Variants in UTP25 observed in about 807,000 individuals in gnomAD.
UTP25 encodes the protein UTP25 small subunit processome component.
Under a neutral mutation model 78.9 loss-of-function variants are expected in UTP25, and 50 were observed. The ratio of observed to expected loss-of-function variants is 0.63; its 90% confidence interval spans 0.50 to 0.80. The LOEUF (loss-of-function observed/expected upper bound fraction) is 0.80. UTP25 is among the 30% of genes least tolerant of loss of function. UTP25 has a pLI of 0.00. For missense variants in UTP25, 846 were observed against 911.3 expected (o/e 0.93, Z 0.92); for synonymous variants, 329 against 336.5 (o/e 0.98, Z 0.24).
intron 4 of UTP25, among the ~76,000 whole-genome samples, chr1:209,834,360 A>G (rs2078120223): frequency 6.6e-6 from 1 of 152,170 alleles, no homozygotes; most frequent in South Asian, 2.1e-4. Flanking sequence ...CTGGGAGAGA[A>G]GGTTGGGTGG....
chr1:209,843,761 C>A, intron 11 of UTP25, 65 bp downstream of exon 11: 2 of 1,553,906 alleles, frequency 1.3e-6, no homozygotes, highest in Non-Finnish European at 1.7e-6. Context: ...TCATGGCCTG[C>A]TCTGAATGCA....
chr1:209,838,992 G>T lies in UTP25; in HGVS notation c.1146G>T (p.Lys382Asn), dbSNP rs1041325560. The change falls in exon 7 of 12, where the codon AAG becomes AAT. Residue 382 changes from lysine to asparagine, a missense_variant. Physicochemically the swap from Lys to Asn is moderately conservative, Grantham distance 94. Transcript: ENST00000491415. ...FISLLEGDSK[K>N]KIIVSNKKRF... ...GCCTCCTCGAGGGTGACAGCAAGAA[G>T]AAAATCATTGTGAGCAACAAAAAGA... is the stretch of plus-strand genomic sequence containing the variant. 3 of 1,614,142 alleles carry T rather than the reference G, an allele frequency of 1.9e-6. No individual in the cohort carries two copies. The South Asian group carries it at 3.3e-5, about 18-fold the overall frequency.
rs1450286557 is a variant in UTP25, at chr1:209,841,536, G to A, written c.1485+481G>A. 5.3e-5 allele frequency among the ~76,000 whole-genome samples: 8 copies of A among 152,252 alleles called. No homozygotes were observed. The South Asian group carries it at 8.3e-4, about 16-fold the overall frequency. ...GAAATATAGGATGTCTTTATTACCC[G>A]ATGTAATTTGTACTGTAATTTTTTT... On this transcript the variant is annotated intron_variant, in intron 8 of 11. Coordinates refer to ENST00000491415, the MANE Select transcript of UTP25 (RefSeq NM_014388.7).
intron 11 of UTP25, chr1:209,844,727 C>A (rs1016230944): frequency 2.0e-5 from 3 of 151,446 alleles, no homozygotes; most frequent in African/African-American, 7.3e-5. Context: ...CCCTTCTGGC[C>A]CTAGAGCTCA....
intron 11 of UTP25, among the ~76,000 whole-genome samples, chr1:209,848,944 A>C (rs144438318): frequency 1.4e-3 from 217 of 152,172 alleles, no homozygotes; most frequent in African/African-American, 4.5e-3. Flanking sequence ...AACACCACAG[A>C]CCTCAAATTC....
intron 9 of UTP25, 47 bp from the exon 10 acceptor site, chr1:209,842,536 A>G: frequency 6.2e-7 from 1 of 1,611,708 alleles, no homozygotes; most frequent in Middle Eastern, 1.7e-4. Flanking sequence ...GCTTCTGGTC[A>G]AGAAGGGGAT....
Position 209,842,742 on chromosome 1 carries a change from T to C in UTP25, c.1781+47T>C, listed in dbSNP as rs371024869. On this transcript the variant is annotated intron_variant, in intron 10 of 11. Transcript: ENST00000491415. ...GCCCCTGGGGACCACATAGAGAGAT[T>C]TGACTTGGGCATACAAACCTAGAAT... is the stretch of plus-strand genomic sequence containing the variant. 2.0e-5 allele frequency: 29 copies of C among 1,427,784 alleles called. 1 individual carries two copies. The Admixed American group carries it at 2.5e-4, about 12-fold the overall frequency. The allele number at this position is 1,427,784 out of a possible 1,614,324, so 88.4% of individuals were successfully genotyped here.
chr1:209,831,754 C>T (rs2078104617), intron 3 of UTP25, among the ~76,000 whole-genome samples: 2 of 152,182 alleles, frequency 1.3e-5, no homozygotes, highest in Non-Finnish European at 1.5e-5. Context: ...GCCACTGACC[C>T]GCCTTCTGTC....
chr1:209,848,436 A>C (rs1402239313), intron 11 of UTP25, among the ~76,000 whole-genome samples: 2 of 152,214 alleles, frequency 1.3e-5, no homozygotes, highest in African/African-American at 4.8e-5. Context: ...TTGGTTAATT[A>C]AGCTAGCTTC....
intron 6 of UTP25, 149 bp downstream of exon 6, chr1:209,837,360 T>A: frequency 1.1e-6 from 1 of 947,726 alleles, no homozygotes; most frequent in South Asian, 1.8e-5. Context: ...GTAGGCCAGG[T>A]AGTGTCAGAG....
In UTP25 at chr1:209,853,421, A is replaced by G. The variant is rs1021284921; in HGVS notation, c.*1974A>G. ...GCCCAGGCTGGAGTACACTGGCATG[A>G]TCTTGGCTTACTGCAATCTGTGCCT... On this transcript the variant is annotated 3_prime_UTR_variant, in exon 12 of 12. Coordinates refer to ENST00000491415, the MANE Select transcript of UTP25 (RefSeq NM_014388.7). 1 of 150,160 alleles carries G rather than the reference A, an allele frequency of 6.7e-6. No individual in the cohort carries two copies. The highest frequency in any genetic ancestry group is 6.6e-5 in the Admixed American group (1 of 15,044). The allele number at this position is 150,160 out of a possible 1,614,324, so 9.3% of individuals were successfully genotyped here. A position where few individuals can be genotyped will look rare whatever the true frequency, so the allele number is the denominator to read the frequency against.
intron 10 of UTP25, chr1:209,843,214 C>T: frequency 1.8e-6 from 1 of 550,804 alleles, no homozygotes; most frequent in South Asian, 2.2e-5. Context: ...GAGTAATTCT[C>T]TGGGATATAA....
intron 3 of UTP25, 119 bp downstream of exon 3, chr1:209,831,162 A>C (rs2078101503): frequency 9.6e-7 from 1 of 1,041,222 alleles, no homozygotes; most frequent in Non-Finnish European, 1.4e-6. Context: ...CAAAATAGGG[A>C]TTTACCCTTG....
intron 1 of UTP25, 21 bp downstream of exon 1, chr1:209,828,191 G>T: frequency 6.3e-7 from 1 of 1,587,196 alleles, no homozygotes; most frequent in East Asian, 2.2e-5. Context: ...GCGTGGCAGG[G>T]CTCCCCAGTC....
In UTP25 at chr1:209,828,718, T is replaced by G. The variant is rs190968961; in HGVS notation, c.107+548T>G. On this transcript the variant is annotated intron_variant, in intron 1 of 11. Coordinates refer to ENST00000491415, the MANE Select transcript of UTP25 (RefSeq NM_014388.7). ...CGCGCCCAGCTATGGGGGCGGATTT[T>G]TGTGTGGTCAGAGATCTAGGAATTT... Among the ~76,000 whole-genome samples, 291 of 150,442 alleles carry G rather than the reference T, an allele frequency of 1.9e-3. 5 individuals are homozygous for G. The highest frequency in any genetic ancestry group is 0.015 in the East Asian group (75 of 5,080).
At chr1:209,848,058 C>T (rs565071014) in intron 11 of UTP25, among the ~76,000 whole-genome samples, 17 of 152,200 alleles carry the variant, frequency 1.1e-4, no homozygotes, top group African/African-American at 3.4e-4. Context: ...CAAACTTTGC[C>T]GTACGTTAGA....
rs766928313 is a variant in UTP25 at position 209,839,098 on chromosome 1, G to T, written c.1252G>T (p.Val418Leu). 6.2e-7 allele frequency: 1 copy of T among 1,613,416 alleles called. No individual in the cohort carries two copies. The highest frequency in any genetic ancestry group is 8.5e-7 in the Non-Finnish European group (1 of 1,179,430). Residue 418 changes from valine to leucine, a missense_variant, in exon 7 of 12, where the codon GTG (valine) becomes TTG (leucine). By Grantham distance (32) the Val-to-Leu change is conservative. Coordinates refer to ENST00000491415, the MANE Select transcript of UTP25 (RefSeq NM_014388.7). Reference sequence around the variant, plus strand: ...GCCTGAGGATTATGAAGCCGTATTTGTGGGCAATATTGATGACCACTTCAG... The same window carrying T: ...GCCTGAGGATTATGAAGCCGTATTTTTGGGCAATATTGATGACCACTTCAG... ...KRPEDYEAVF[V>L]GNIDDHFRIG...
chr1:209,843,762 T>C (rs1457705762), intron 11 of UTP25, 66 bp downstream of exon 11: 8 of 1,541,670 alleles, frequency 5.2e-6, no homozygotes, highest in African/African-American at 1.4e-5. Context: ...CATGGCCTGC[T>C]CTGAATGCAT....
chr1:209,851,477 C>G lies in UTP25; in HGVS notation c.*30C>G. 2.5e-6 allele frequency: 4 copies of G among 1,582,082 alleles called. No homozygotes were observed. In the South Asian group the frequency reaches 3.5e-5, roughly 14 times the overall value. On this transcript the variant is annotated 3_prime_UTR_variant, in exon 12 of 12. Coordinates refer to ENST00000491415, the MANE Select transcript of UTP25 (RefSeq NM_014388.7). ...TTGTTGGGCAGGAAGTGGTATTTGG[C>G]ATGATACATAATGTTTGATTCTATG...
Sources: gnomAD v4.1 joint callset for allele counts (sites outside exome capture counted in the v4.1 genomes callset) on GRCh38, gnomAD v4.1.1 for gene constraint, MANE v1.5 for transcripts, NCBI Gene and HGNC (gene_info 2026-07-23, HGNC 2026-07-21) for gene names.